GRIP1: variants seen among roughly 807,000 people sequenced by gnomAD.
GRIP1 encodes the protein glutamate receptor-interacting protein 1.
In GRIP1, 45 loss-of-function variants were observed where a neutral mutation model predicts 129.9. The observed-to-expected ratio is 0.35, with a 90% CI of 0.27 to 0.44. The LOEUF (loss-of-function observed/expected upper bound fraction) is 0.44, where lower values mean the gene tolerates loss of function less well. GRIP1 is among the 20% of genes least tolerant of loss of function. The pLI is 1.00. For synonymous variants in GRIP1, 530 were observed against 520.8 expected (o/e 1.02, Z -0.24); for missense variants, 1,196 against 1,396.8 (o/e 0.86, Z 2.29).
intron 1 of GRIP1, among the ~76,000 whole-genome samples, chr12:66,837,843 G>A (rs2039642536): frequency 6.6e-6 from 1 of 152,104 alleles, no homozygotes; most frequent in Admixed American, 6.6e-5. Context: ...TAAAGAGGAA[G>A]GTGTCAGGGA....
At chr12:66,692,679 T>C (rs922285814) in intron 1 of GRIP1, among the ~76,000 whole-genome samples, 2 of 152,086 alleles carry the variant, frequency 1.3e-5, no homozygotes, top group African/African-American at 4.8e-5. Flanking sequence ...GAGGAGGGGA[T>C]TTGTCTAGGA....
chr12:66,649,882 G>T (rs1284215150), intron 1 of GRIP1, among the ~76,000 whole-genome samples: 1 of 152,228 alleles, frequency 6.6e-6, no homozygotes, highest in Non-Finnish European at 1.5e-5. Flanking sequence ...TTCTGTGGAA[G>T]AGCAGGCTAG....
chr12:66,551,061 T>C (rs961622247), intron 2 of GRIP1, among the ~76,000 whole-genome samples: 1 of 152,224 alleles, frequency 6.6e-6, no homozygotes, highest in Non-Finnish European at 1.5e-5. Flanking sequence ...ACTGAAGCAA[T>C]TGGCATGGCT....
chr12:66,373,789 G>A (rs1049383853), intron 22 of GRIP1, among the ~76,000 whole-genome samples: 1 of 152,204 alleles, frequency 6.6e-6, no homozygotes, highest in African/African-American at 2.4e-5. Context: ...GTCCCATACA[G>A]ATTGCATGTA....
intron 9 of GRIP1, among the ~76,000 whole-genome samples, chr12:66,458,311 C>T (rs1481978156): frequency 6.6e-6 from 1 of 152,192 alleles, no homozygotes; most frequent in Non-Finnish European, 1.5e-5. Flanking sequence ...TCCTGCATAC[C>T]TACCTTCCAC....
chr12:66,413,266 C>T (rs1010435363), intron 15 of GRIP1, among the ~76,000 whole-genome samples: 7 of 152,180 alleles, frequency 4.6e-5, no homozygotes, highest in African/African-American at 1.7e-4. Flanking sequence ...TCTCAGACCA[C>T]AGCACAATCA....
chr12:66,646,783 G>A (rs1210946376), intron 1 of GRIP1, among the ~76,000 whole-genome samples: 1 of 152,104 alleles, frequency 6.6e-6, no homozygotes, highest in Non-Finnish European at 1.5e-5. Context: ...AGGGGGCCCT[G>A]GCATAATAGT....
intron 1 of GRIP1, among the ~76,000 whole-genome samples, chr12:66,781,869 T>C (rs554509075): frequency 6.6e-6 from 1 of 152,272 alleles, no homozygotes; most frequent in Non-Finnish European, 1.5e-5. Context: ...TATTTGGCAA[T>C]ATCTATCAAA....
Position 66,392,722 on chromosome 12 carries a change from T to A in GRIP1, c.2224A>T (p.Met742Leu). Residue 742 changes from methionine (M) to leucine (L), a missense_variant, in exon 18 of 25, where the codon ATG (methionine) becomes TTG (leucine). Met to Leu is a conservative substitution (Grantham distance 15). Transcript: ENST00000359742. ...PLSEAIHLLQ[M>L]AGETVTLKIK... is the part of the protein sequence containing the mutation. ...TTCAAGGTGACAGTCTCTCCTGCCA[T>A]CTGTAACAAATGGATGGCTTCACTC... 1 of 1,614,032 alleles carries A rather than the reference T, an allele frequency of 6.2e-7. No individual in the cohort carries two copies. The highest frequency in any genetic ancestry group is 8.5e-7 in the Non-Finnish European group (1 of 1,179,876).
At chr12:66,795,037 A>T (rs1264194586) in intron 1 of GRIP1, among the ~76,000 whole-genome samples, 1 of 152,214 alleles carries the variant, frequency 6.6e-6, no homozygotes, top group African/African-American at 2.4e-5. Flanking sequence ...CCTAAAAGTG[A>T]TCACGATTAT....
intron 8 of GRIP1, among the ~76,000 whole-genome samples, chr12:66,464,408 C>T (rs565247249): frequency 1.3e-5 from 2 of 152,098 alleles, no homozygotes; most frequent in South Asian, 2.1e-4. Context: ...AAGACACCCT[C>T]GAAGGTTGTA....
intron 2 of GRIP1, among the ~76,000 whole-genome samples, chr12:66,583,823 G>A (rs1260512586): frequency 1.5e-5 from 2 of 134,568 alleles, no homozygotes; most frequent in Non-Finnish European, 3.3e-5. Flanking sequence ...CTGTAAACTA[G>A]TTCAACCATT....
intron 7 of GRIP1, among the ~76,000 whole-genome samples, chr12:66,499,317 T>C (rs2060323326): frequency 6.6e-6 from 1 of 152,200 alleles, no homozygotes; most frequent in Admixed American, 6.5e-5. Flanking sequence ...TTAAATAGGT[T>C]ATCATGAGGA....
chr12:66,758,342 G>A (rs111323398), intron 1 of GRIP1, among the ~76,000 whole-genome samples: 2,163 of 152,208 alleles, frequency 0.014, 53 homozygotes, highest in African/African-American at 0.05. Flanking sequence ...ACTATCACAA[G>A]AATAGCATGG....
intron 1 of GRIP1, among the ~76,000 whole-genome samples, chr12:66,841,786 G>A (rs1460242035): frequency 1.3e-5 from 2 of 152,092 alleles, no homozygotes; most frequent in African/African-American, 4.8e-5. Flanking sequence ...CGCTTCACGG[G>A]GGCATCTTGG....
chr12:66,554,186 A>T (rs2062237204), intron 2 of GRIP1, among the ~76,000 whole-genome samples: 1 of 152,182 alleles, frequency 6.6e-6, no homozygotes, highest in East Asian at 1.9e-4. Context: ...GGGAAGAGTA[A>T]AGAGGACTTT....
At chr12:66,814,589 T>TAAAAAAAAAAAAAAAAA (rs79461500) in intron 1 of GRIP1, among the ~76,000 whole-genome samples, 1 of 108,422 alleles carries the variant, frequency 9.2e-6, no homozygotes, top group Non-Finnish European at 1.9e-5. Flanking sequence ...AGTGATACCA[T>TAAAAAAAAAAAAAAAAA]AAAAAAAAAA....
rs139507703 is a variant in GRIP1 at position 66,910,584 on chromosome 12, C to A, written c.58+158466G>T. On this transcript the variant is annotated intron_variant, in intron 1 of 1. Coordinates refer to the GRIP1 transcript ENST00000643019. ...AAGTTGGGTCTCGGTGTGAACATAA[C>A]CACAGGCCCTTCCTATTTAGCACAC... is the stretch of plus-strand genomic sequence containing the variant. 3.2e-3 allele frequency among the ~76,000 whole-genome samples: 479 copies of A among 151,974 alleles called. 1 individual carries two copies. The highest frequency in any genetic ancestry group is 0.011 in the African/African-American group (457 of 41,442).
intron 1 of GRIP1, among the ~76,000 whole-genome samples, chr12:66,999,078 C>G (rs1284365720): frequency 6.6e-6 from 1 of 152,118 alleles, no homozygotes. Flanking sequence ...CACATTCAGA[C>G]ATTTTCTTCA....
Sources: gnomAD v4.1 joint callset for allele counts (sites outside exome capture counted in the v4.1 genomes callset) on GRCh38, gnomAD v4.1.1 for gene constraint, MANE v1.5 for transcripts, NCBI Gene and HGNC (gene_info 2026-07-23, HGNC 2026-07-21) for gene names.